The following ERO1B variants were observed in gnomAD, a reference collection of about 807,000 sequenced individuals.
ERO1B encodes the protein endoplasmic reticulum oxidoreductase 1 beta.
A neutral mutation model predicts 75.3 loss-of-function variants in ERO1B; 49 were observed. The ratio of observed to expected loss-of-function variants is 0.65; its 90% CI spans 0.52 to 0.83. The LOEUF (loss-of-function observed/expected upper bound fraction) is 0.83, where lower values mean the gene tolerates loss of function less well. Among genes scored for constraint, ERO1B ranks in the 40% least tolerant of loss-of-function variants. The pLI is 0.00. For synonymous variants in ERO1B, 191 were observed against 192.9 expected, an observed-to-expected ratio of 0.99 and a Z score of 0.08; for missense variants, 512 against 560.1, an observed-to-expected ratio of 0.91 and a Z score of 0.87.
At chr1:236,233,459 G>A (rs199726378) in intron 8 of ERO1B, among the ~76,000 whole-genome samples, 108 of 151,610 alleles carry the variant, frequency 7.1e-4, no homozygotes, top group African/African-American at 2.4e-3. Flanking sequence ...TTAGCCAGGC[G>A]TGGTGACCGG....
Position 236,249,966 on chromosome 1 carries a change from T to C in ERO1B, c.350A>G (p.Tyr117Cys). Residue 117 changes from tyrosine to cysteine, a missense_variant and splice_region_variant, in exon 5 of 16, where the codon TAC becomes TGC. Coordinates refer to ENST00000354619, the MANE Select transcript of ERO1B (RefSeq NM_019891.4). ...TTTGGTATTGTTTGCCATTTTCAAG[T>C]ACTGCAAAGAAGTTCGTAAGTTTAG... ...VGIKAGHSNK[Y>C]LKMANNTKEL... 1.9e-6 allele frequency: 3 copies of C among 1,595,424 alleles called. No individual in the cohort carries two copies. The highest frequency in any genetic ancestry group is 2.6e-6 in the Non-Finnish European group (3 of 1,172,030).
chr1:236,232,553 T>C (rs2812482), intron 9 of ERO1B, among the ~76,000 whole-genome samples: 35,388 of 152,002 alleles, frequency 0.23, 4,434 homozygotes, highest in East Asian at 0.36. Flanking sequence ...TCAGGACATA[T>C]TCAAGTAAAT....
intron 2 of ERO1B, among the ~76,000 whole-genome samples, chr1:236,256,970 C>G (rs777968092): frequency 6.6e-6 from 1 of 152,222 alleles, no homozygotes. Context: ...CTCAGATGCT[C>G]TCTTTGGTGC....
chr1:236,235,467 C>T (rs1015332552), intron 8 of ERO1B, among the ~76,000 whole-genome samples: 6 of 152,128 alleles, frequency 3.9e-5, no homozygotes, highest in African/African-American at 4.8e-5. Flanking sequence ...ATTAATATAG[C>T]GTAGGGCCTG....
In ERO1B at chr1:236,215,898, A is replaced by C. The variant is rs964955298; in HGVS notation, c.*2618T>G. ...CAGTGGCACATAGGCAAAGTTGAAA[A>C]ACATGGCAGAGTTTCATATACATAC... On this transcript the variant is annotated 3_prime_UTR_variant, in exon 16 of 16. Transcript: ENST00000354619. 1 of 148,852 alleles carries C rather than the reference A, an allele frequency of 6.7e-6. No homozygotes were observed. The highest frequency in any genetic ancestry group is 2.4e-5 in the African/African-American group (1 of 41,028). The allele number at this position is 148,852 out of a possible 1,614,324, so 9.2% of individuals were successfully genotyped here. A position where few individuals can be genotyped will look rare whatever the true frequency, so the allele number is the denominator to read the frequency against.
At chr1:236,264,191 C>T (rs1434923831) in intron 2 of ERO1B, among the ~76,000 whole-genome samples, 1 of 152,174 alleles carries the variant, frequency 6.6e-6, no homozygotes, top group African/African-American at 2.4e-5. Context: ...ACCTCTACCT[C>T]CTGGGTTCAA....
intron 8 of ERO1B, 71 bp from the exon 9 acceptor site, chr1:236,232,910 G>T (rs1664449168): frequency 3.7e-6 from 5 of 1,336,542 alleles, no homozygotes. Flanking sequence ...ACTATTTTTT[G>T]AGATTAAAAC....
chr1:236,260,336 A>G (rs1341857368), intron 2 of ERO1B, among the ~76,000 whole-genome samples: 1 of 152,212 alleles, frequency 6.6e-6, no homozygotes, highest in Non-Finnish European at 1.5e-5. Flanking sequence ...ATAATTAAGG[A>G]AACTGATTCA....
chr1:236,253,258 G>A (rs1418716169), intron 3 of ERO1B, among the ~76,000 whole-genome samples, 164 bp downstream of exon 3: 1 of 152,166 alleles, frequency 6.6e-6, no homozygotes, highest in Non-Finnish European at 1.5e-5. Context: ...TTGGTGTCAA[G>A]TATAGAATCT....
At chr1:236,252,149 T>C (rs1157331886) in intron 3 of ERO1B, 58 bp from the exon 4 acceptor site, 5 of 1,160,434 alleles carry the variant, frequency 4.3e-6, no homozygotes, top group Non-Finnish European at 6.5e-6. Context: ...TTTTTGGAAT[T>C]TCTTCACGAA....
At chr1:236,261,572 G>T (rs12084846) in intron 2 of ERO1B, among the ~76,000 whole-genome samples, 4,285 of 152,160 alleles carry the variant, frequency 0.028, 206 homozygotes, top group African/African-American at 0.098. Flanking sequence ...TGAAATAGTT[G>T]TAACTTTAAC....
At chr1:236,233,600 GAAA>G (rs59372414) in intron 8 of ERO1B, among the ~76,000 whole-genome samples, 1 of 119,614 alleles carries the variant, frequency 8.4e-6, no homozygotes, top group Admixed American at 8.2e-5. Flanking sequence ...TCTGTCTCAA[GAAA>G]AAAAAAAAAA....
intron 14 of ERO1B, 38 bp downstream of exon 14, chr1:236,221,886 G>A: frequency 6.7e-7 from 1 of 1,490,822 alleles, no homozygotes; most frequent in Non-Finnish European, 9.3e-7. Context: ...AAAAATAAAG[G>A]TTAGTAATGG....
Position 236,216,325 on chromosome 1 carries a change from C to A in ERO1B, c.*2191G>T, listed in dbSNP as rs149030117. The stretch of plus-strand genomic sequence containing the variant: ...ACTCTAGTATAATATCACTTCACGA[C>A]AAAAGATGTGAATTGGAAAAACAGT... On this transcript the variant is annotated 3_prime_UTR_variant, in exon 16 of 16. Coordinates refer to ENST00000354619, the MANE Select transcript of ERO1B (RefSeq NM_019891.4). 6.6e-6 allele frequency: 1 copy of A among 152,136 alleles called. No homozygotes were observed. Among genetic ancestry groups the A allele is most frequent in the East Asian group, 1.9e-4 (1 of 5,178 alleles). 9.4% of individuals were successfully genotyped at this position (152,136 alleles called of 1,614,324 possible). A position where few individuals can be genotyped will look rare whatever the true frequency, so the allele number is the denominator to read the frequency against.
intron 1 of ERO1B, among the ~76,000 whole-genome samples, chr1:236,277,803 A>G (rs1665742394): frequency 6.6e-6 from 1 of 152,228 alleles, no homozygotes; most frequent in Non-Finnish European, 1.5e-5. Flanking sequence ...TCAGCTGGAT[A>G]TGATCAGCTA....
rs1664249115 is a variant in ERO1B, at chr1:236,225,150, G to T, written c.1053-11C>A. 1 of 1,613,030 alleles carries T rather than the reference G, an allele frequency of 6.2e-7. No individual in the cohort carries two copies. The highest frequency in any genetic ancestry group is 1.3e-5 in the African/African-American group (1 of 75,008). The stretch of plus-strand genomic sequence containing the variant: ...TGCATGGGAAAGGACCTGATAAAAT[G>T]ATAGTATTGGATTAAGTTACACATG... On this transcript the variant is annotated splice_polypyrimidine_tract_variant and intron_variant, in intron 12 of 15. Transcript: ENST00000354619.
At chr1:236,252,232 G>T in intron 3 of ERO1B, 141 bp from the exon 4 acceptor site, 2 of 615,088 alleles carry the variant, frequency 3.3e-6, no homozygotes, top group Non-Finnish European at 5.8e-6. Context: ...CTCAAATTGT[G>T]TTTTCACACT....
At chr1:236,280,973 G>C (rs564002952) in intron 1 of ERO1B, among the ~76,000 whole-genome samples, 2 of 152,074 alleles carry the variant, frequency 1.3e-5, no homozygotes, top group African/African-American at 4.8e-5. Flanking sequence ...TGTAATCATC[G>C]CTTCACATCA....
intron 2 of ERO1B, among the ~76,000 whole-genome samples, chr1:236,263,778 C>CTTTTTTTTTTTTTTTTTTTTTTTTT: frequency 7.5e-5 from 6 of 80,300 alleles, no homozygotes; most frequent in Admixed American, 1.2e-4. Flanking sequence ...ATTTTGTTTG[C>CTTTTTTTTTTTTTTTTTTTTTTTTT]TTTTTTTTTT....
Sources: allele counts gnomAD v4.1 joint callset (sites outside exome capture counted in the v4.1 genomes callset), GRCh38; gene constraint gnomAD v4.1.1; transcripts MANE v1.5; gene names NCBI Gene and HGNC (gene_info 2026-07-23, HGNC 2026-07-21).